Variants in CRHR2 observed in about 807,000 individuals in gnomAD.
The protein encoded by CRHR2 is corticotropin-releasing hormone receptor 2.
CRHR2 carries 53 observed loss-of-function variants against 57.9 expected under a neutral mutation model. That is an observed-to-expected ratio of 0.92 (90% CI 0.73 to 1.15). CRHR2 has a LOEUF of 1.15. Among genes scored for constraint, CRHR2 ranks in the 50% most tolerant of loss-of-function variants. The probability of loss-of-function intolerance (pLI) is 0.00; values close to 1 mark genes in which losing one functional copy is unlikely to be tolerated. For missense variants in CRHR2, 532 were observed against 542.6 expected (o/e 0.98, Z 0.19); for synonymous variants, 213 against 220.9 (o/e 0.96, Z 0.32).
At chr7:30,672,674 A>G (rs1192306593) in intron 2 of CRHR2, among the ~76,000 whole-genome samples, 1 of 152,244 alleles carries the variant, frequency 6.6e-6, no homozygotes, top group African/African-American at 2.4e-5. Context: ...AACTGCAGAC[A>G]TTGCAGTCCA....
At position 30,656,123 on chromosome 7, in the gene CRHR2, A is replaced by G; in HGVS notation, c.832-111T>C. The G allele has an allele frequency of 3.2e-6, 3 of 941,930 alleles. No individual in the cohort carries two copies. Among genetic ancestry groups the G allele is most frequent in the East Asian group, 2.4e-5 (1 of 41,686 alleles). 58.3% of individuals were successfully genotyped at this position (941,930 alleles called of 1,614,324 possible). A position where few individuals can be genotyped will look rare whatever the true frequency, so the allele number is the denominator to read the frequency against. ...ACCCCTGGAAACCGATGTCCCACGC[A>G]CACACCTATCCTACCTGTCCCCCTA... On this transcript the variant is annotated intron_variant, in intron 8 of 11. Coordinates refer to ENST00000471646, the MANE Select transcript of CRHR2 (RefSeq NM_001883.5). The surrounding 1 kb of genome is among the most constrained non-coding windows in gnomAD (Gnocchi z 4.4).
At chr7:30,699,008 A>G (rs1278388627) in intron 1 of CRHR2, among the ~76,000 whole-genome samples, 2 of 152,204 alleles carry the variant, frequency 1.3e-5, no homozygotes, top group African/African-American at 4.8e-5. Flanking sequence ...TTATACGTAT[A>G]GGGACACTAA....
intron 2 of CRHR2, among the ~76,000 whole-genome samples, chr7:30,681,466 G>A (rs1430046902): frequency 3.3e-5 from 5 of 152,134 alleles, no homozygotes; most frequent in Non-Finnish European, 5.9e-5. Flanking sequence ...CCTCCCCTCT[G>A]GTAGTAGGGT....
At chr7:30,678,591 T>G (rs929796030) in intron 2 of CRHR2, among the ~76,000 whole-genome samples, 6 of 152,156 alleles carry the variant, frequency 3.9e-5, no homozygotes, top group African/African-American at 1.4e-4. Flanking sequence ...CTGTAGCTAT[T>G]TGCTAACCCC....
At chr7:30,669,594 A>G (rs1427915605) in intron 2 of CRHR2, among the ~76,000 whole-genome samples, 1 of 150,476 alleles carries the variant, frequency 6.6e-6, no homozygotes, top group Non-Finnish European at 1.5e-5. Flanking sequence ...TCCAGAGTCA[A>G]CTCCCCTCCT....
intron 2 of CRHR2, among the ~76,000 whole-genome samples, chr7:30,675,922 G>A (rs539663942): frequency 1.3e-5 from 2 of 152,346 alleles, no homozygotes; most frequent in Admixed American, 6.5e-5. Context: ...AAAATACTCA[G>A]AACCCCAATA....
Position 30,662,687 on chromosome 7 carries a change from C to T in CRHR2, c.697+7G>A. ...CAACTAGGCCCTGCTGCCCCTGGGA[C>T]CCTCACACCATCCGATGAAGAGGAA... On this transcript the variant is annotated splice_region_variant and intron_variant, in intron 6 of 11. Transcript: ENST00000471646. 4.3e-6 allele frequency: 7 copies of T among 1,612,668 alleles called. No individual in the cohort carries two copies. The highest frequency in any genetic ancestry group is 1.3e-5 in the African/African-American group (1 of 75,034).
At chr7:30,686,351 G>A (rs1474243093), upstream of CRHR2, 1 of 1,503,850 alleles carries the variant, frequency 6.6e-7, no homozygotes, top group Non-Finnish European at 8.8e-7. Flanking sequence ...GAATGCTCTA[G>A]ACTTCAGCCC....
Position 30,653,652 on chromosome 7 carries a change from C to G in CRHR2, c.1096-52G>C. Reference sequence around the variant, plus strand: ...GCTCCCAGGGACCAACCCTGGGCTTCTGGGACCATCCCCTCCTCTGCTTTC... The same window carrying G: ...GCTCCCAGGGACCAACCCTGGGCTTGTGGGACCATCCCCTCCTCTGCTTTC... On this transcript the variant is annotated intron_variant, in intron 11 of 11. Transcript: ENST00000471646. The surrounding 1 kb of genome is among the most constrained non-coding windows in gnomAD (Gnocchi z 5.0). The G allele has an allele frequency of 6.5e-7, 1 of 1,543,330 alleles. No individual in the cohort carries two copies. The highest frequency in any genetic ancestry group is 8.7e-7 in the Non-Finnish European group (1 of 1,152,048).
intron 8 of CRHR2, among the ~76,000 whole-genome samples, chr7:30,657,063 G>A (rs1215974242): frequency 6.6e-6 from 1 of 150,852 alleles, no homozygotes; most frequent in Non-Finnish European, 1.5e-5. Flanking sequence ...GTGTCTGCTG[G>A]CTCGTGTGCA....
intron 1 of CRHR2, chr7:30,699,918 C>T (rs550200702): frequency 3.6e-5 from 54 of 1,495,556 alleles, no homozygotes; most frequent in East Asian, 1.4e-4. Context: ...CGCCCCACCT[C>T]GTGGACTCCC....
At chr7:30,680,723 C>G (rs538048728) in intron 2 of CRHR2, among the ~76,000 whole-genome samples, 1 of 152,142 alleles carries the variant, frequency 6.6e-6, no homozygotes, top group African/African-American at 2.4e-5. Context: ...GCTGGTGCAG[C>G]CAGGAGAGTG....
rs751221245 is a variant in CRHR2 at position 30,665,621 on chromosome 7, G to T, written c.334C>A (p.His112Asn). 3.8e-6 allele frequency: 6 copies of T among 1,558,710 alleles called. No homozygotes were observed. The South Asian group carries it at 5.9e-5, about 15-fold the overall frequency. Residue 112 changes from histidine (H) to asparagine (N), a missense_variant, in exon 4 of 12, where the codon CAC becomes AAC. His to Asn is a moderately conservative substitution (Grantham distance 68). Transcript: ENST00000471646. This position sits in a 1 kb window ranked among gnomAD's most constrained non-coding sequence, Gnocchi z 4.5. The part of the protein sequence containing the change: ...LDDKQRKYDL[H>N]YRIALVVNYL... ...TTGACGACAAGGGCGATGCGGTAGT[G>T]CAGGTCATACTTCCTCTGCTGGACA...
chr7:30,700,075 A>G (rs107540), exon 1 of CRHR2: 853,284 of 1,311,902 alleles, frequency 0.65, 278,605 homozygotes, highest in Middle Eastern at 0.67. Context: ...CCTGCTGCCC[A>G]GCACGGTGGT....
At position 30,653,620 on chromosome 7, in the gene CRHR2, T is replaced by A; in HGVS notation, c.1096-20A>T. On this transcript the variant is annotated intron_variant, in intron 11 of 11. Transcript: ENST00000471646. This position sits in a 1 kb window ranked among gnomAD's most constrained non-coding sequence, Gnocchi z 5.0. Reference sequence around the variant, plus strand: ...GCGCACCTGTGGGGAAGGCAGAGGCTCAGCTGGCTCCCAGGGACCAACCCT... The same window carrying A: ...GCGCACCTGTGGGGAAGGCAGAGGCACAGCTGGCTCCCAGGGACCAACCCT... 1 of 1,597,676 alleles carries A rather than the reference T, an allele frequency of 6.3e-7. No individual in the cohort carries two copies. The highest frequency in any genetic ancestry group is 1.3e-5 in the African/African-American group (1 of 74,832).
chr7:30,690,349 G>A lies in CRHR2; in HGVS notation c.-260-1065C>T, dbSNP rs187958772. 1.7e-3 allele frequency among the ~76,000 whole-genome samples: 254 copies of A among 152,292 alleles called. 2 individuals are homozygous for A. Among genetic ancestry groups the A allele is most frequent in the Non-Finnish European group, 2.6e-3 (177 of 68,020 alleles). On this transcript the variant is annotated intron_variant, in intron 1 of 13. Transcript: ENST00000341843. ...ATGCATGGTGTATGACTGAACGAGA[G>A]CAATTCACTCTAAATTCTAACGCTT... is the stretch of plus-strand genomic sequence containing the variant.
chr7:30,693,535 C>A lies in CRHR2; in HGVS notation c.-260-4251G>T, dbSNP rs2079413. Among the ~76,000 whole-genome samples the A allele has an allele frequency of 9.8e-3, 1,490 of 152,316 alleles. 24 individuals are homozygous for A. Among genetic ancestry groups the A allele is most frequent in the African/African-American group, 0.034 (1,407 of 41,568 alleles). On this transcript the variant is annotated intron_variant, in intron 1 of 13. Coordinates refer to the CRHR2 transcript ENST00000341843. Reference sequence around the variant, plus strand: ...CTCCATCTGGCTGTTCAGCTATATCCTTTGTGATAGACTTTAAAATAAACC... The same window carrying A: ...CTCCATCTGGCTGTTCAGCTATATCATTTGTGATAGACTTTAAAATAAACC...
intron 2 of CRHR2, among the ~76,000 whole-genome samples, chr7:30,677,381 G>A (rs1228262691): frequency 6.6e-6 from 1 of 152,094 alleles, no homozygotes; most frequent in African/African-American, 2.4e-5. Context: ...AGAGGTGGGA[G>A]GAAAATGGAA....
intron 2 of CRHR2, among the ~76,000 whole-genome samples, chr7:30,676,866 C>G (rs569911704): frequency 1.6e-4 from 24 of 152,364 alleles, no homozygotes; most frequent in African/African-American, 5.3e-4. Flanking sequence ...CCCCTAACCT[C>G]CCCATGTGGC....
Sources: allele counts gnomAD v4.1 joint callset (sites outside exome capture counted in the v4.1 genomes callset), GRCh38; gene constraint gnomAD v4.1.1; non-coding constraint Gnocchi (gnomAD v3.1); transcripts MANE v1.5; gene names NCBI Gene and HGNC (gene_info 2026-07-23, HGNC 2026-07-21).